SLC17A8: variants seen among roughly 807,000 people sequenced by gnomAD.
SLC17A8 encodes the protein vesicular glutamate transporter 3.
Under a neutral mutation model 58.0 loss-of-function variants are expected in SLC17A8, and 31 were observed. That is an observed-to-expected ratio of 0.53 (90% confidence interval 0.40 to 0.72). The LOEUF (loss-of-function observed/expected upper bound fraction) is 0.72. Ranked by LOEUF, SLC17A8 falls within the 30% of genes least tolerant of loss-of-function variation. The pLI is 0.00. For synonymous variants in SLC17A8, 228 were observed against 249.0 expected (o/e 0.92, Z 0.79); for missense variants, 655 against 727.8 (o/e 0.90, Z 1.15).
intron 1 of SLC17A8, among the ~76,000 whole-genome samples, chr12:100,375,015 C>G (rs1221528458): frequency 1.3e-5 from 2 of 151,712 alleles, no homozygotes; most frequent in African/African-American, 4.8e-5. Flanking sequence ...TCCCCATCTC[C>G]CATACTGTAT....
chr12:100,400,766 G>T (rs1028560432), intron 5 of SLC17A8, among the ~76,000 whole-genome samples: 1 of 151,936 alleles, frequency 6.6e-6, no homozygotes, highest in African/African-American at 2.4e-5. Flanking sequence ...CCAATAATGG[G>T]AGGTCACAGG....
intron 1 of SLC17A8, among the ~76,000 whole-genome samples, chr12:100,360,834 C>A (rs1020831603): frequency 4.6e-5 from 7 of 152,204 alleles, no homozygotes; most frequent in African/African-American, 1.7e-4. Flanking sequence ...ATGTAGCCAG[C>A]AACTTCTGGA....
At chr12:100,366,975 A>G (rs1952524485) in intron 1 of SLC17A8, among the ~76,000 whole-genome samples, 1 of 152,118 alleles carries the variant, frequency 6.6e-6, no homozygotes, top group Non-Finnish European at 1.5e-5. Flanking sequence ...TTCTACTGTG[A>G]GCCTCAGCCA....
intron 9 of SLC17A8, among the ~76,000 whole-genome samples, chr12:100,409,007 A>G (rs1360511538): frequency 6.6e-6 from 1 of 152,168 alleles, no homozygotes; most frequent in Non-Finnish European, 1.5e-5. Flanking sequence ...CCTTCTTTAT[A>G]GTAGTGTTGA....
In SLC17A8 at chr12:100,393,575, A is replaced by C. The variant is rs186144484; in HGVS notation, c.588+92A>C. ...CTTCTGAAGAAAATCCCCTTTACTC[A>C]GTTTTTTTCTATATTTTCTTCCTTT... On this transcript the variant is annotated intron_variant, in intron 4 of 11. Transcript: ENST00000323346. The C allele has an allele frequency of 3.5e-5, 33 of 950,904 alleles. No homozygotes were observed. The East Asian group carries it at 8.1e-4, about 23-fold the overall frequency. The allele number at this position is 950,904 out of a possible 1,614,324, so 58.9% of individuals were successfully genotyped here.
chr12:100,361,898 T>C (rs1197064632), intron 1 of SLC17A8, among the ~76,000 whole-genome samples: 1 of 149,620 alleles, frequency 6.7e-6, no homozygotes, highest in African/African-American at 2.5e-5. Context: ...GAGGCAGAGG[T>C]TGCAGTGAGC....
chr12:100,402,596 A>C lies in SLC17A8; in HGVS notation c.904A>C (p.Lys302Gln). The C allele has an allele frequency of 6.2e-7, 1 of 1,613,922 alleles. No homozygotes were observed. The highest frequency in any genetic ancestry group is 1.1e-5 in the South Asian group (1 of 90,988). ...GEGANVVSLS[K>Q]FSTPWKRFFT... Reference sequence around the variant, plus strand: ...ATATCATGGTATTTTTACTCCCTAGAAATTTAGTACCCCATGGAAAAGATT... The same window carrying C: ...ATATCATGGTATTTTTACTCCCTAGCAATTTAGTACCCCATGGAAAAGATT... The change falls in exon 8 of 12, where the codon AAA (lysine) becomes CAA (glutamine). Residue 302 changes from lysine (K) to glutamine (Q), a missense_variant and splice_region_variant. Lys to Gln is a moderately conservative substitution (Grantham distance 53, BLOSUM62 1). Coordinates refer to ENST00000323346, the MANE Select transcript of SLC17A8 (RefSeq NM_139319.3).
intron 1 of SLC17A8, among the ~76,000 whole-genome samples, chr12:100,362,175 A>G (rs1476106778): frequency 6.6e-6 from 1 of 151,914 alleles, no homozygotes; most frequent in Non-Finnish European, 1.5e-5. Flanking sequence ...GTTTATTTGG[A>G]GGCCACTGAG....
At chr12:100,373,899 G>A (rs1448331491) in intron 1 of SLC17A8, among the ~76,000 whole-genome samples, 1 of 151,992 alleles carries the variant, frequency 6.6e-6, no homozygotes, top group Non-Finnish European at 1.5e-5. Context: ...CAAATCAGTG[G>A]CTATTTACTT....
intron 2 of SLC17A8, among the ~76,000 whole-genome samples, chr12:100,388,495 TCC>T (rs564345245): frequency 6.1e-4 from 93 of 152,330 alleles, no homozygotes; most frequent in African/African-American, 2.2e-3. Context: ...GCTAGCTAGT[TCC>T]TTTTTACCAT....
chr12:100,392,866 T>C (rs1206372240), intron 3 of SLC17A8, among the ~76,000 whole-genome samples: 2 of 152,108 alleles, frequency 1.3e-5, no homozygotes, highest in Non-Finnish European at 2.9e-5. Context: ...ACCTCAAACA[T>C]ACAGTAACAG....
rs138295024 is a variant in SLC17A8 at position 100,415,638 on chromosome 12, C to T, written c.1298-2391C>T. 2.7e-4 allele frequency among the ~76,000 whole-genome samples: 41 copies of T among 152,222 alleles called. No homozygotes were observed. The East Asian group carries it at 7.4e-3, about 27-fold the overall frequency. ...CGAGACAGGGTCTCACGATGTTGCC[C>T]AAGCTGGTCTCGAACTCCTGGCCTC... On this transcript the variant is annotated intron_variant, in intron 10 of 11. Transcript: ENST00000323346.
chr12:100,381,461 G>A (rs1406752787), intron 2 of SLC17A8, among the ~76,000 whole-genome samples: 1 of 152,078 alleles, frequency 6.6e-6, no homozygotes, highest in African/African-American at 2.4e-5. Context: ...CTTCCCTATT[G>A]TGAACAAATT....
chr12:100,373,383 A>G (rs994503660), intron 1 of SLC17A8, among the ~76,000 whole-genome samples: 4 of 145,254 alleles, frequency 2.8e-5, no homozygotes, highest in African/African-American at 7.8e-5. Context: ...TCTGGGCAGG[A>G]TGAATAGATC....
chr12:100,418,568 C>G (rs1952923955), intron 11 of SLC17A8, among the ~76,000 whole-genome samples: 1 of 152,216 alleles, frequency 6.6e-6, no homozygotes, highest in African/African-American at 2.4e-5. Flanking sequence ...GAGTGCTATT[C>G]TACTTCCTTG....
chr12:100,406,794 C>G (rs1952829074), intron 9 of SLC17A8, among the ~76,000 whole-genome samples: 1 of 152,162 alleles, frequency 6.6e-6, no homozygotes, highest in Non-Finnish European at 1.5e-5. Flanking sequence ...CCTCGGCCTT[C>G]CAAAGTGCTG....
intron 1 of SLC17A8, among the ~76,000 whole-genome samples, chr12:100,376,964 C>G (rs973863915): frequency 6.6e-6 from 1 of 152,118 alleles, no homozygotes; most frequent in Non-Finnish European, 1.5e-5. Flanking sequence ...TGCTCGCCAC[C>G]ATGCCTGGCT....
chr12:100,391,150 C>A, intron 3 of SLC17A8, 31 bp downstream of exon 3: 1 of 1,434,900 alleles, frequency 7.0e-7, no homozygotes, highest in Non-Finnish European at 9.8e-7. Context: ...ATGATACAAA[C>A]CAATGAAATG....
chr12:100,365,550 G>T (rs1190212584), intron 1 of SLC17A8, among the ~76,000 whole-genome samples: 2 of 152,200 alleles, frequency 1.3e-5, no homozygotes, highest in East Asian at 3.8e-4. Flanking sequence ...ATATTCCCAA[G>T]TGTTGAATAC....
Sources: allele counts gnomAD v4.1 joint callset (sites outside exome capture counted in the v4.1 genomes callset), GRCh38; gene constraint gnomAD v4.1.1; transcripts MANE v1.5; gene names NCBI Gene and HGNC (gene_info 2026-07-23, HGNC 2026-07-21).